The following SEMA6D variants were observed in gnomAD, a reference collection of about 807,000 sequenced individuals.
SEMA6D encodes semaphorin-6D.
Under a neutral mutation model 106.6 loss-of-function variants are expected in SEMA6D, and 35 were observed. The ratio of observed to expected loss-of-function variants is 0.33; its 90% confidence interval spans 0.25 to 0.44. SEMA6D has a LOEUF of 0.44. Ranked by LOEUF, SEMA6D falls within the 20% of genes least tolerant of loss-of-function variation. The pLI is 1.00. For synonymous variants in SEMA6D, 499 were observed against 487.7 expected (o/e 1.02, Z -0.31); for missense variants, 1,185 against 1,345.9 (o/e 0.88, Z 1.87).
At chr15:47,658,282 G>C (rs1467109343) in intron 4 of SEMA6D, among the ~76,000 whole-genome samples, 1 of 152,148 alleles carries the variant, frequency 6.6e-6, no homozygotes, top group Non-Finnish European at 1.5e-5. Context: ...TTAATAGATA[G>C]GCTAAACTAT....
intron 4 of SEMA6D, among the ~76,000 whole-genome samples, chr15:47,617,203 A>G (rs374408294): frequency 3.3e-5 from 5 of 152,112 alleles, no homozygotes; most frequent in Admixed American, 2.0e-4. Flanking sequence ...AAGGTTACCT[A>G]CCTTCTCTGG....
chr15:47,629,475 C>T lies in SEMA6D; in HGVS notation c.-55+28579C>T, dbSNP rs140313675. 2.9e-3 allele frequency among the ~76,000 whole-genome samples: 446 copies of T among 151,948 alleles called. 8 individuals are homozygous for T. The highest frequency in any genetic ancestry group is 6.0e-4 in the Non-Finnish European group (41 of 67,820). On this transcript the variant is annotated intron_variant, in intron 4 of 19. Transcript: ENST00000558014. ...GATATATAATAATTTACATATTTATCAGTACATGTGAGTGTTTGTTACATG... is the reference window on the plus strand; with the variant it reads ...GATATATAATAATTTACATATTTATTAGTACATGTGAGTGTTTGTTACATG...
intron 1 of SEMA6D, among the ~76,000 whole-genome samples, chr15:47,306,685 A>G (rs1037996739): frequency 6.6e-6 from 1 of 152,248 alleles, no homozygotes; most frequent in Non-Finnish European, 1.5e-5. Flanking sequence ...ACTGCACTCC[A>G]TCTTGGGCCA....
chr15:47,555,206 G>A (rs1328619809), intron 3 of SEMA6D, among the ~76,000 whole-genome samples: 1 of 152,074 alleles, frequency 6.6e-6, no homozygotes, highest in African/African-American at 2.4e-5. Context: ...ATTTTGCAGA[G>A]CCCAGATGTA....
intron 1 of SEMA6D, among the ~76,000 whole-genome samples, chr15:47,326,789 C>G (rs1284259468): frequency 6.6e-6 from 1 of 152,138 alleles, no homozygotes; most frequent in Admixed American, 6.6e-5. Context: ...GAAAGAAATT[C>G]TCCCATGCCA....
At chr15:47,749,091 T>C (rs967034363) in intron 1 of SEMA6D, among the ~76,000 whole-genome samples, 2 of 150,000 alleles carry the variant, frequency 1.3e-5, no homozygotes, top group Non-Finnish European at 3.0e-5. Flanking sequence ...TTTTTTTTTT[T>C]TTTTTTGGAG....
intron 1 of SEMA6D, among the ~76,000 whole-genome samples, chr15:47,214,320 G>A (rs1331833816): frequency 1.3e-5 from 2 of 152,106 alleles, no homozygotes; most frequent in Non-Finnish European, 2.9e-5. Flanking sequence ...TGCAGTGGAA[G>A]GGGTATTAGC....
chr15:47,605,604 C>T (rs1229404737), intron 4 of SEMA6D, among the ~76,000 whole-genome samples: 4 of 152,150 alleles, frequency 2.6e-5, no homozygotes, highest in Admixed American at 1.3e-4. Flanking sequence ...CTCCCCAACT[C>T]GGACATTTCC....
intron 1 of SEMA6D, among the ~76,000 whole-genome samples, chr15:47,236,489 G>A (rs927200494): frequency 6.6e-6 from 1 of 152,018 alleles, no homozygotes; most frequent in African/African-American, 2.4e-5. Flanking sequence ...AATTTATACA[G>A]CAGTTTTAAA....
intron 1 of SEMA6D, among the ~76,000 whole-genome samples, chr15:47,219,887 G>C (rs142668001): frequency 1.4e-3 from 212 of 152,316 alleles, no homozygotes; most frequent in African/African-American, 4.8e-3. Flanking sequence ...TTGTAGAGCA[G>C]CTTTAGCGAT....
intron 1 of SEMA6D, among the ~76,000 whole-genome samples, chr15:47,338,099 C>G (rs574921155): frequency 1.3e-5 from 2 of 152,190 alleles, no homozygotes; most frequent in Non-Finnish European, 2.9e-5. Context: ...GGAGAAGGCA[C>G]TTGCTAGAGT....
intron 1 of SEMA6D, among the ~76,000 whole-genome samples, chr15:47,312,042 T>G (rs1046923592): frequency 1.3e-5 from 2 of 152,198 alleles, no homozygotes; most frequent in Non-Finnish European, 2.9e-5. Flanking sequence ...CTCTGGTGCC[T>G]CAGCTCTGAC....
At chr15:47,327,472 TG>T (rs1311634838) in intron 1 of SEMA6D, among the ~76,000 whole-genome samples, 3 of 152,230 alleles carry the variant, frequency 2.0e-5, no homozygotes, top group African/African-American at 7.2e-5. Flanking sequence ...AATTGAAGGT[TG>T]TGGTAAAATT....
chr15:47,770,948 C>T lies in SEMA6D; in HGVS notation c.2385C>T (p.Ala795=), dbSNP rs754960881. 5.6e-6 allele frequency: 9 copies of T among 1,613,934 alleles called. No individual in the cohort carries two copies. In the African/African-American group the frequency reaches 6.7e-5, roughly 12 times the overall value. ...LQAMKSHSEK[A]HGHGASRKET... is the part of the protein sequence containing the mutation. Reference sequence around the variant, plus strand: ...CCATGAAGAGCCACTCAGAAAAGGCCCATGGCCATGGAGCTTCAAGGAAAG... The same window carrying T: ...CCATGAAGAGCCACTCAGAAAAGGCTCATGGCCATGGAGCTTCAAGGAAAG... The change falls in exon 19 of 19, where the codon GCC becomes GCT. Residue 795 remains alanine, a synonymous_variant. Coordinates refer to ENST00000536845, the MANE Select transcript of SEMA6D (RefSeq NM_001358351.3).
intron 3 of SEMA6D, among the ~76,000 whole-genome samples, chr15:47,510,534 C>T (rs1470483450): frequency 6.6e-6 from 1 of 152,152 alleles, no homozygotes; most frequent in Non-Finnish European, 1.5e-5. Context: ...CCAGTCCTTG[C>T]AGAGATAAAG....
At chr15:47,462,092 T>A (rs1230771435) in intron 2 of SEMA6D, among the ~76,000 whole-genome samples, 1 of 151,858 alleles carries the variant, frequency 6.6e-6, no homozygotes, top group East Asian at 1.9e-4. Flanking sequence ...TACCATGGAG[T>A]TTTTCCAGAC....
intron 2 of SEMA6D, among the ~76,000 whole-genome samples, chr15:47,423,670 T>A (rs1487685101): frequency 6.6e-6 from 1 of 152,104 alleles, no homozygotes; most frequent in Non-Finnish European, 1.5e-5. Context: ...CAATAATGTG[T>A]CTTGATGTAC....
intron 2 of SEMA6D, among the ~76,000 whole-genome samples, chr15:47,426,526 G>T (rs1167962474): frequency 6.6e-6 from 1 of 152,058 alleles, no homozygotes; most frequent in Non-Finnish European, 1.5e-5. Context: ...GGGAAGGATA[G>T]GGCCTTAGAA....
At chr15:47,704,743 A>G (rs1015967731) in intron 4 of SEMA6D, among the ~76,000 whole-genome samples, 6 of 152,184 alleles carry the variant, frequency 3.9e-5, no homozygotes, top group African/African-American at 1.4e-4. Context: ...GTCTTACTGC[A>G]TTGATTAACA....
Sources: allele counts gnomAD v4.1 joint callset (sites outside exome capture counted in the v4.1 genomes callset), GRCh38; gene constraint gnomAD v4.1.1; transcripts MANE v1.5; gene names NCBI Gene and HGNC (gene_info 2026-07-23, HGNC 2026-07-21).